FAM107B: variants seen among roughly 807,000 people sequenced by gnomAD.
FAM107B encodes the protein family with sequence similarity 107 member B, also known as protein FAM107B.
A neutral mutation model predicts 31.5 loss-of-function variants in FAM107B; 21 were observed. The ratio of observed to expected loss-of-function variants is 0.67; its 90% CI spans 0.47 to 0.96. FAM107B has a LOEUF of 0.96. Ranked by LOEUF, FAM107B falls within the 40% of genes least tolerant of loss-of-function variation. The pLI is 0.00. For synonymous variants in FAM107B, 157 were observed against 141.5 expected (o/e 1.11, Z -0.78); for missense variants, 452 against 377.1 (o/e 1.20, Z -1.64).
intron 2 of FAM107B, among the ~76,000 whole-genome samples, chr10:14,580,517 G>GA (rs1374379946): frequency 2.0e-5 from 3 of 150,348 alleles, no homozygotes; most frequent in Non-Finnish European, 3.0e-5. Flanking sequence ...TACATTCTTA[G>GA]AAAAAAAAAT....
Position 14,570,862 on chromosome 10 carries a change from CA to C in FAM107B, c.470-40348del, listed in dbSNP as rs1175425665. 1.2e-4 allele frequency among the ~76,000 whole-genome samples: 10 copies of C among 86,626 alleles called. No individual in the cohort carries two copies. In the East Asian group the frequency reaches 5.9e-3, roughly 51 times the overall value. 56.8% of individuals were successfully genotyped at this position (86,626 alleles called of 152,430 possible). ...CAGTGTTTTGTTGTGGTCATGTGTT[CA>C]TTTTTTTTTTTTTTTAATCCACAAC... On this transcript the variant is annotated intron_variant, in intron 2 of 4. Coordinates refer to ENST00000181796, the MANE Select transcript of FAM107B (RefSeq NM_031453.4).
At position 14,626,333 on chromosome 10, in the gene FAM107B, G is replaced by C. The variant is rs1441016748; in HGVS notation, c.469+41301C>G. ...GTCTATATTTGAAGGAAATTTTACA[G>C]TTTTCAGTCAGACTGTGCAATTGTC... On this transcript the variant is annotated intron_variant, in intron 2 of 4. Transcript: ENST00000181796. Among the ~76,000 whole-genome samples, 5 of 152,134 alleles carry C rather than the reference G, an allele frequency of 3.3e-5. No individual in the cohort carries two copies. The East Asian group carries it at 7.7e-4, about 23-fold the overall frequency.
chr10:14,641,098 A>G (rs1018748188), intron 2 of FAM107B, among the ~76,000 whole-genome samples: 2 of 152,324 alleles, frequency 1.3e-5, no homozygotes, highest in Middle Eastern at 3.4e-3. Context: ...AGAAGGGGAA[A>G]ACGTGCTTTC....
intron 2 of FAM107B, among the ~76,000 whole-genome samples, chr10:14,624,479 T>C (rs1853101424): frequency 6.6e-6 from 1 of 152,022 alleles, no homozygotes; most frequent in Admixed American, 6.6e-5. Context: ...CTGCTAAAAA[T>C]ACAAAAATAC....
intron 2 of FAM107B, chr10:14,556,421 C>T (rs1184184419): frequency 2.0e-6 from 2 of 985,362 alleles, no homozygotes; most frequent in Admixed American, 6.1e-5. Context: ...AAAGGAAATA[C>T]ACCAGTCAGC....
intron 1 of FAM107B, among the ~76,000 whole-genome samples, chr10:14,711,674 C>G (rs1041507649): frequency 2.0e-5 from 3 of 152,138 alleles, no homozygotes; most frequent in Non-Finnish European, 4.4e-5. Context: ...GACAGAGTCT[C>G]GTTCTGTCGC....
At chr10:14,611,489 TATA>T (rs2131391108) in intron 2 of FAM107B, among the ~76,000 whole-genome samples, 1 of 2,414 alleles carries the variant, frequency 4.1e-4, no homozygotes, top group African/African-American at 1.2e-3. Flanking sequence ...CAGTTTTATA[TATA>T]TATATATATA....
intron 1 of FAM107B, among the ~76,000 whole-genome samples, chr10:14,762,910 G>T (rs1833085684): frequency 6.6e-6 from 1 of 152,124 alleles, no homozygotes; most frequent in African/African-American, 2.4e-5. Context: ...TGATGGCTTT[G>T]CCATTCGAGT....
chr10:14,587,189 C>T (rs557312336), intron 2 of FAM107B, among the ~76,000 whole-genome samples: 1 of 152,274 alleles, frequency 6.6e-6, no homozygotes, highest in East Asian at 1.9e-4. Flanking sequence ...CGACATGCCA[C>T]CTAGGTCTAT....
intron 2 of FAM107B, among the ~76,000 whole-genome samples, chr10:14,601,386 A>G (rs1337109075): frequency 6.6e-6 from 1 of 152,210 alleles, no homozygotes; most frequent in African/African-American, 2.4e-5. Context: ...GGTCAGGCCC[A>G]GCCCTTCTTG....
At chr10:14,654,436 C>A (rs1416314009) in intron 2 of FAM107B, among the ~76,000 whole-genome samples, 1 of 152,088 alleles carries the variant, frequency 6.6e-6, no homozygotes, top group African/African-American at 2.4e-5. Context: ...AGCCATAATT[C>A]ATTGGAGAAA....
At chr10:14,638,008 T>G (rs1478620288) in intron 2 of FAM107B, among the ~76,000 whole-genome samples, 1 of 152,148 alleles carries the variant, frequency 6.6e-6, no homozygotes, top group Non-Finnish European at 1.5e-5. Context: ...TGGAACATCA[T>G]AAATATATGT....
intron 3 of FAM107B, among the ~76,000 whole-genome samples, chr10:14,523,058 C>G (rs1291970964): frequency 6.6e-6 from 1 of 152,182 alleles, no homozygotes; most frequent in East Asian, 1.9e-4. Flanking sequence ...ATGAACTAGC[C>G]ACCCTCCATC....
At chr10:14,750,540 A>T (rs886838720) in intron 1 of FAM107B, among the ~76,000 whole-genome samples, 8 of 152,092 alleles carry the variant, frequency 5.3e-5, no homozygotes, top group African/African-American at 1.9e-4. Context: ...TGAACCCGGG[A>T]GGGGGAGGTT....
chr10:14,594,632 A>C (rs1361379358), intron 2 of FAM107B, among the ~76,000 whole-genome samples: 2 of 152,230 alleles, frequency 1.3e-5, no homozygotes, highest in Non-Finnish European at 2.9e-5. Context: ...GAAGCAGTAA[A>C]GACACAGCTC....
chr10:14,760,559 C>T (rs899686398), intron 1 of FAM107B, among the ~76,000 whole-genome samples: 1 of 149,548 alleles, frequency 6.7e-6, no homozygotes, highest in East Asian at 1.9e-4. Context: ...ATTAATGAGA[C>T]ACCAAACTAT....
rs143093363 is a variant in FAM107B at position 14,697,576 on chromosome 10, T to C, written c.412-29885A>G. 2.6e-5 allele frequency among the ~76,000 whole-genome samples: 4 copies of C among 152,318 alleles called. No individual in the cohort carries two copies. In the East Asian group the frequency reaches 7.7e-4, roughly 29 times the overall value. Reference sequence around the variant, plus strand: ...GGAACAGAGATGAGAGAAATAGAAATAGACATTTTCTAAAGACTTTACCTC... The same window carrying C: ...GGAACAGAGATGAGAGAAATAGAAACAGACATTTTCTAAAGACTTTACCTC... On this transcript the variant is annotated intron_variant, in intron 1 of 4. Transcript: ENST00000181796.
chr10:14,665,469 C>T (rs1854380490), intron 2 of FAM107B, among the ~76,000 whole-genome samples: 1 of 152,180 alleles, frequency 6.6e-6, no homozygotes, highest in Non-Finnish European at 1.5e-5. Flanking sequence ...CAAATGTTCT[C>T]AGAACATAGT....
intron 2 of FAM107B, among the ~76,000 whole-genome samples, chr10:14,605,901 C>T (rs1040971954): frequency 6.6e-6 from 1 of 152,188 alleles, no homozygotes; most frequent in African/African-American, 2.4e-5. Flanking sequence ...ATCTCCCTCC[C>T]CCTCTGCTGG....
Sources: gnomAD v4.1 joint callset for allele counts (sites outside exome capture counted in the v4.1 genomes callset) on GRCh38, gnomAD v4.1.1 for gene constraint, MANE v1.5 for transcripts, NCBI Gene and HGNC (gene_info 2026-07-23, HGNC 2026-07-21) for gene names.